The following NAA40 variants were observed in gnomAD, a reference collection of about 807,000 sequenced individuals.
NAA40 encodes the protein N-alpha-acetyltransferase 40.
Under a neutral mutation model 36.6 loss-of-function variants are expected in NAA40, and 26 were observed. That is an observed-to-expected ratio of 0.71 (90% CI 0.52 to 0.98). The LOEUF (loss-of-function observed/expected upper bound fraction) is 0.98, where lower values mean the gene tolerates loss of function less well. NAA40 is among the 50% of genes least tolerant of loss of function. The pLI, the probability that NAA40 is intolerant of heterozygous loss-of-function variation, is 0.00. For synonymous variants in NAA40, 129 were observed against 108.4 expected (o/e 1.19, Z -1.18); for missense variants, 237 against 306.5 (o/e 0.77, Z 1.69).
At chr11:63,939,272 C>T in intron 1 of NAA40, 170 bp downstream of exon 1, 1 of 1,299,418 alleles carries the variant, frequency 7.7e-7, no homozygotes, top group Non-Finnish European at 9.8e-7. Flanking sequence ...TACGCTAGGC[C>T]TAGCCCGGGA....
rs1232510491 is a variant in NAA40 at position 63,954,494 on chromosome 11, T to G, written c.*15T>G. The stretch of plus-strand genomic sequence containing the variant: ...GCTGCCACTGAACTCTCAGAGCCAC[T>G]TTCAAGTCACAATGCTCTCTCCTAA... On this transcript the variant is annotated 3_prime_UTR_variant, in exon 8 of 8. Coordinates refer to ENST00000377793, the MANE Select transcript of NAA40 (RefSeq NM_024771.4). The G allele has an allele frequency of 1.3e-6, 2 of 1,584,608 alleles. No homozygotes were observed. Among genetic ancestry groups the G allele is most frequent in the Non-Finnish European group, 1.7e-6 (2 of 1,166,920 alleles).
chr11:63,939,782 G>A (rs1253393636), intron 1 of NAA40, among the ~76,000 whole-genome samples: 1 of 152,150 alleles, frequency 6.6e-6, no homozygotes. Flanking sequence ...TAGTGCAGGT[G>A]TTTTTTGCAA....
At chr11:63,946,408 T>C (rs1320601773) in intron 2 of NAA40, 1 of 466,220 alleles carries the variant, frequency 2.1e-6, no homozygotes, top group African/African-American at 2.1e-5. Flanking sequence ...TTTGGCCTTG[T>C]TGCCCAGGAT....
intron 3 of NAA40, among the ~76,000 whole-genome samples, chr11:63,947,332 G>C (rs1016864402): frequency 2.6e-5 from 4 of 151,882 alleles, no homozygotes; most frequent in African/African-American, 4.8e-5. Context: ...ACTTGAACCC[G>C]GGGGGCAGAG....
At chr11:63,950,916 A>G (rs1942270033) in intron 3 of NAA40, among the ~76,000 whole-genome samples, 1 of 152,222 alleles carries the variant, frequency 6.6e-6, no homozygotes, top group Admixed American at 6.5e-5. Context: ...TTTAATGGAG[A>G]ATTCGTACCT....
At position 63,957,214 on chromosome 11, in the gene NAA40, T is replaced by TATA. The variant is rs1565176250; in HGVS notation, c.*2735_*2736insATA. ...TTGATATATATATATATATATATAT[T>TATA]TTTTTTTTTCTTTAGCAGCTTGTTA... is the stretch of plus-strand genomic sequence containing the variant. On this transcript the variant is annotated 3_prime_UTR_variant, in exon 8 of 8. Transcript: ENST00000377793. 50 of 63,386 alleles carry TATA rather than the reference T, an allele frequency of 7.9e-4. No individual in the cohort carries two copies. The highest frequency in any genetic ancestry group is 1.8e-3 in the Non-Finnish European group (41 of 22,842). The allele number at this position is 63,386 out of a possible 1,614,324, so 3.9% of individuals were successfully genotyped here.
At chr11:63,952,035 C>G in intron 3 of NAA40, 1 of 535,246 alleles carries the variant, frequency 1.9e-6, no homozygotes. Flanking sequence ...GGGGGGTGGG[C>G]CGTGTGGCCA....
rs190784323 is a variant in NAA40, at chr11:63,950,502, G to A, written c.156-1736G>A. On this transcript the variant is annotated intron_variant, in intron 3 of 7. Coordinates refer to ENST00000377793, the MANE Select transcript of NAA40 (RefSeq NM_024771.4). Reference sequence around the variant, plus strand: ...GTTTTTGTTTTTGAGACAGAGTCTCGCCCAGGCTGGAGTACAATGGCATGA... The same window carrying A: ...GTTTTTGTTTTTGAGACAGAGTCTCACCCAGGCTGGAGTACAATGGCATGA... Among the ~76,000 whole-genome samples, 5 of 151,614 alleles carry A rather than the reference G, an allele frequency of 3.3e-5. No homozygotes were observed. In the East Asian group the frequency reaches 5.8e-4, roughly 18 times the overall value.
rs999711615 is a variant in NAA40 at position 63,956,436 on chromosome 11, G to C, written c.*1957G>C. ...CCCCCGTGTTCATCCCTTGTAAGGTGAGTTCAGTCTACGTTGTCTCTTTCC... is the reference window on the plus strand; with the variant it reads ...CCCCCGTGTTCATCCCTTGTAAGGTCAGTTCAGTCTACGTTGTCTCTTTCC... On this transcript the variant is annotated 3_prime_UTR_variant, in exon 8 of 8. Transcript: ENST00000377793. 1 of 152,422 alleles carries C rather than the reference G, an allele frequency of 6.6e-6. No homozygotes were observed. The highest frequency in any genetic ancestry group is 2.4e-5 in the African/African-American group (1 of 41,462). The allele number at this position is 152,422 out of a possible 1,614,324, so 9.4% of individuals were successfully genotyped here. A position where few individuals can be genotyped will look rare whatever the true frequency, so the allele number is the denominator to read the frequency against.
In NAA40 at chr11:63,955,700, G is replaced by T. The variant is rs1236667208; in HGVS notation, c.*1221G>T. Reference sequence around the variant, plus strand: ...TCTCTGGTGTCACCCTGTGGCAACAGGCTGGAGCAGGGGAAGGAGAAAGCC... The same window carrying T: ...TCTCTGGTGTCACCCTGTGGCAACATGCTGGAGCAGGGGAAGGAGAAAGCC... On this transcript the variant is annotated 3_prime_UTR_variant, in exon 8 of 8. Transcript: ENST00000377793. The T allele has an allele frequency of 6.6e-6, 1 of 152,382 alleles. No homozygotes were observed. Among genetic ancestry groups the T allele is most frequent in the Non-Finnish European group, 1.5e-5 (1 of 68,082 alleles). The allele number at this position is 152,382 out of a possible 1,614,324, so 9.4% of individuals were successfully genotyped here.
chr11:63,947,355 C>A (rs1196088918), intron 3 of NAA40, among the ~76,000 whole-genome samples: 1 of 151,552 alleles, frequency 6.6e-6, no homozygotes, highest in African/African-American at 2.4e-5. Flanking sequence ...TGCAGTGAGC[C>A]GAGATAGCAC....
At chr11:63,952,357 G>C in intron 4 of NAA40, 24 bp downstream of exon 4, 1 of 1,613,330 alleles carries the variant, frequency 6.2e-7, no homozygotes, top group Non-Finnish European at 8.5e-7. Flanking sequence ...AACCAGGGGA[G>C]CCTAGTTCCT....
chr11:63,956,641 A>G lies in NAA40; in HGVS notation c.*2162A>G, dbSNP rs538095670. On this transcript the variant is annotated 3_prime_UTR_variant, in exon 8 of 8. Coordinates refer to ENST00000377793, the MANE Select transcript of NAA40 (RefSeq NM_024771.4). The stretch of plus-strand genomic sequence containing the variant: ...TCTTGAGCCCATTCATTTCCAAAAC[A>G]TCCATCTTTCTCCACTTCCCCCAGG... 12 of 152,766 alleles carry G rather than the reference A, an allele frequency of 7.9e-5. No individual in the cohort carries two copies. The highest frequency in any genetic ancestry group is 2.9e-4 in the African/African-American group (12 of 41,552). The allele number at this position is 152,766 out of a possible 1,614,324, so 9.5% of individuals were successfully genotyped here.
chr11:63,953,938 C>A (rs755106789), intron 6 of NAA40, 34 bp from the exon 7 acceptor site: 2 of 1,599,454 alleles, frequency 1.3e-6, no homozygotes, highest in Non-Finnish European at 8.6e-7. Flanking sequence ...CCATGTTTCT[C>A]TTTCTAAAAG....
rs139889985 is a variant in NAA40 at position 63,955,268 on chromosome 11, T to C, written c.*789T>C. The C allele has an allele frequency of 1.3e-5, 2 of 152,732 alleles. No individual in the cohort carries two copies. Among genetic ancestry groups the C allele is most frequent in the African/African-American group, 4.8e-5 (2 of 41,550 alleles). The allele number at this position is 152,732 out of a possible 1,614,324, so 9.5% of individuals were successfully genotyped here. A position where few individuals can be genotyped will look rare whatever the true frequency, so the allele number is the denominator to read the frequency against. ...TCATGGCAGTGACTTGAGCTTTTGA[T>C]TCATAGAAGAAAGCCAGAGGTTCTG... On this transcript the variant is annotated 3_prime_UTR_variant, in exon 8 of 8. Transcript: ENST00000377793.
At chr11:63,942,497 A>G (rs1942124251) in intron 1 of NAA40, among the ~76,000 whole-genome samples, 5 of 152,212 alleles carry the variant, frequency 3.3e-5, no homozygotes, top group Admixed American at 3.3e-4. Flanking sequence ...GCAGCTAGTA[A>G]GTGAAAGAGC....
In NAA40 at chr11:63,953,045, C is replaced by CTTTTTTT. The variant is rs34261976; in HGVS notation, c.494+220_494+226dup. Among the ~76,000 whole-genome samples, 37 of 106,826 alleles carry CTTTTTTT rather than the reference C, an allele frequency of 3.5e-4. 2 individuals are homozygous for CTTTTTTT. The highest frequency in any genetic ancestry group is 1.2e-3 in the African/African-American group (33 of 27,314). The allele number at this position is 106,826 out of a possible 152,430, so 70.1% of individuals were successfully genotyped here. ...TTGTTTAGCTCAGTGCAGTGAACAT[C>CTTTTTTT]TTTTTTTTTTTTTTTTTTTTGAGAC... On this transcript the variant is annotated intron_variant, in intron 6 of 7. Transcript: ENST00000377793.
At chr11:63,941,989 C>CA (rs1057311687) in intron 1 of NAA40, among the ~76,000 whole-genome samples, 3 of 152,074 alleles carry the variant, frequency 2.0e-5, no homozygotes, top group African/African-American at 4.8e-5. Context: ...CACTTTATAA[C>CA]AAAAAATGCC....
At chr11:63,953,562 T>C (rs1253490382) in intron 6 of NAA40, among the ~76,000 whole-genome samples, 1 of 152,282 alleles carries the variant, frequency 6.6e-6, no homozygotes, top group Middle Eastern at 3.4e-3. Flanking sequence ...AACACTCGTG[T>C]GGGTGAAAGG....
Sources: allele counts gnomAD v4.1 joint callset (sites outside exome capture counted in the v4.1 genomes callset), GRCh38; gene constraint gnomAD v4.1.1; transcripts MANE v1.5; gene names NCBI Gene and HGNC (gene_info 2026-07-23, HGNC 2026-07-21).